Variants in DGLUCY observed in about 807,000 individuals in gnomAD.
The protein encoded by DGLUCY is D-glutamate cyclase, mitochondrial.
Under a neutral mutation model 58.5 loss-of-function variants are expected in DGLUCY, and 58 were observed. The ratio of observed to expected loss-of-function variants is 0.99; its 90% CI spans 0.80 to 1.23. The LOEUF is 1.23. Ranked by LOEUF, DGLUCY falls within the 50% of genes most tolerant of loss-of-function variation. DGLUCY has a pLI of 0.00. For missense variants in DGLUCY, 779 were observed against 784.7 expected (o/e 0.99, Z 0.09); for synonymous variants, 325 against 314.1 (o/e 1.03, Z -0.37).
chr14:91,190,185 C>T (rs1303059998), intron 9 of DGLUCY, among the ~76,000 whole-genome samples: 5 of 151,612 alleles, frequency 3.3e-5, no homozygotes, highest in Non-Finnish European at 7.4e-5. Flanking sequence ...GACGGGGTTT[C>T]ACCGTGTTAG....
At chr14:91,204,981 C>A in intron 12 of DGLUCY, 156 bp downstream of exon 12, 1 of 971,976 alleles carries the variant, frequency 1.0e-6, no homozygotes, top group Non-Finnish European at 1.5e-6. Flanking sequence ...ACCTTTCATT[C>A]AGTCATTCAA....
intron 1 of DGLUCY, among the ~76,000 whole-genome samples, chr14:91,074,844 T>G (rs1177047918): frequency 2.0e-5 from 3 of 152,034 alleles, no homozygotes; most frequent in Admixed American, 6.6e-5. Context: ...AGGCTGAGGC[T>G]GGCAGATCAC....
At chr14:91,074,290 G>A (rs1247144521) in intron 1 of DGLUCY, among the ~76,000 whole-genome samples, 1 of 93,358 alleles carries the variant, frequency 1.1e-5, no homozygotes, top group Non-Finnish European at 2.0e-5. Flanking sequence ...GCGATACCCT[G>A]TCTCAAAAAA....
intron 13 of DGLUCY, among the ~76,000 whole-genome samples, chr14:91,222,433 G>T (rs1459371082): frequency 6.6e-6 from 1 of 152,214 alleles, no homozygotes; most frequent in Non-Finnish European, 1.5e-5. Flanking sequence ...GATATGACCA[G>T]TGGAGAAGAG....
chr14:91,214,793 C>T (rs1315189585), intron 12 of DGLUCY, among the ~76,000 whole-genome samples: 2 of 151,910 alleles, frequency 1.3e-5, no homozygotes, highest in African/African-American at 2.4e-5. Flanking sequence ...AAGCCTCCAC[C>T]CCAATGAGCT....
intron 1 of DGLUCY, among the ~76,000 whole-genome samples, chr14:91,066,719 A>G (rs894795753): frequency 6.6e-5 from 10 of 152,206 alleles, no homozygotes; most frequent in African/African-American, 2.4e-4. Context: ...ACAAAATGAT[A>G]GTAAGTTCTA....
chr14:91,089,782 C>T (rs1186847459), intron 1 of DGLUCY, among the ~76,000 whole-genome samples: 1 of 149,880 alleles, frequency 6.7e-6, no homozygotes, highest in African/African-American at 2.5e-5. Flanking sequence ...GATCACGCCA[C>T]TACACTCCAG....
At chr14:91,144,597 C>T (rs1164864344) in intron 1 of DGLUCY, among the ~76,000 whole-genome samples, 1 of 152,092 alleles carries the variant, frequency 6.6e-6, no homozygotes, top group African/African-American at 2.4e-5. Context: ...CTGATTGGAC[C>T]AGCTTAGATC....
chr14:91,094,417 C>T (rs553116267), intron 1 of DGLUCY, among the ~76,000 whole-genome samples: 13 of 143,082 alleles, frequency 9.1e-5, no homozygotes, highest in East Asian at 4.3e-4. Flanking sequence ...CCTGGGCGAC[C>T]GAGCGAGACT....
At chr14:91,084,507 T>C (rs1298373645) in intron 1 of DGLUCY, among the ~76,000 whole-genome samples, 1 of 151,994 alleles carries the variant, frequency 6.6e-6, no homozygotes, top group African/African-American at 2.4e-5. Flanking sequence ...GCCCAGCCCA[T>C]CTGTCTCTCA....
intron 5 of DGLUCY, among the ~76,000 whole-genome samples, chr14:91,172,322 A>G (rs1016972627): frequency 6.6e-6 from 1 of 152,128 alleles, no homozygotes; most frequent in Non-Finnish European, 1.5e-5. Context: ...CAAGCGATCC[A>G]ACCTTCTTGG....
rs1566961669 is a variant in DGLUCY, at chr14:91,140,087, G to A, written c.-81-17552G>A. 3.9e-5 allele frequency among the ~76,000 whole-genome samples: 6 copies of A among 152,358 alleles called. No individual in the cohort carries two copies. The South Asian group carries it at 1.2e-3, about 32-fold the overall frequency. ...CTATCTGCTTAGGAACAAAAGGAAAGACAGATTCTTGCATGACTCAGCTTT... is the reference window on the plus strand; with the variant it reads ...CTATCTGCTTAGGAACAAAAGGAAAAACAGATTCTTGCATGACTCAGCTTT... On this transcript the variant is annotated intron_variant, in intron 1 of 13. Transcript: ENST00000256324.
chr14:91,180,088 C>CTATGTTGCCCAGG (rs2049084218), intron 7 of DGLUCY, among the ~76,000 whole-genome samples: 1 of 150,984 alleles, frequency 6.6e-6, no homozygotes, highest in Admixed American at 6.6e-5. Flanking sequence ...CAGGGTTTCA[C>CTATGTTGCCCAGG]TATGTTGCCC....
In DGLUCY at chr14:91,180,037, G is replaced by A. The variant is rs139537023; in HGVS notation, c.731-1149G>A. Among the ~76,000 whole-genome samples, 318 of 150,242 alleles carry A rather than the reference G, an allele frequency of 2.1e-3. 1 individual carries two copies. The highest frequency in any genetic ancestry group is 6.7e-3 in the East Asian group (32 of 4,754). ...CTCCCAAGTAGCTGGGATTACAGGC[G>A]CACCACCAAGCTGGGCTAATTTTTG... On this transcript the variant is annotated intron_variant, in intron 7 of 13. Coordinates refer to ENST00000256324, the MANE Select transcript of DGLUCY (RefSeq NM_001102368.3).
At chr14:91,194,513 G>C (rs996512543) in intron 9 of DGLUCY, among the ~76,000 whole-genome samples, 1 of 151,894 alleles carries the variant, frequency 6.6e-6, no homozygotes, top group East Asian at 1.9e-4. Flanking sequence ...GTTAGGGAGG[G>C]GGGATGGGGA....
chr14:91,065,218 A>G (rs1326929939), intron 1 of DGLUCY, among the ~76,000 whole-genome samples: 1 of 152,214 alleles, frequency 6.6e-6, no homozygotes, highest in East Asian at 1.9e-4. Context: ...GGCAGCTTGT[A>G]TAAACGCTGA....
chr14:91,108,489 G>T (rs2044630269), intron 1 of DGLUCY, among the ~76,000 whole-genome samples: 1 of 48,866 alleles, frequency 2.0e-5, no homozygotes. Context: ...TGAAGAATTT[G>T]TGTGTGTGTG....
chr14:91,147,476 A>G (rs1217253325), intron 1 of DGLUCY, among the ~76,000 whole-genome samples: 1 of 152,178 alleles, frequency 6.6e-6, no homozygotes, highest in African/African-American at 2.4e-5. Flanking sequence ...ATGGACTGAA[A>G]GACCCTTTGA....
chr14:91,194,289 G>A (rs962781159), intron 9 of DGLUCY, among the ~76,000 whole-genome samples: 2 of 152,092 alleles, frequency 1.3e-5, no homozygotes, highest in African/African-American at 4.8e-5. Context: ...ATGATGTGAC[G>A]TTCCCACCGA....
Sources: allele counts gnomAD v4.1 joint callset (sites outside exome capture counted in the v4.1 genomes callset), GRCh38; gene constraint gnomAD v4.1.1; transcripts MANE v1.5; gene names NCBI Gene and HGNC (gene_info 2026-07-23, HGNC 2026-07-21).